Variants in RALA observed in about 807,000 individuals in gnomAD.
The protein encoded by RALA is ras-related protein Ral-A.
In RALA, 5 loss-of-function variants were observed where a neutral mutation model predicts 24.0. The observed-to-expected ratio is 0.21, with a 90% CI of 0.11 to 0.44. The LOEUF (loss-of-function observed/expected upper bound fraction) is 0.44, where lower values mean the gene tolerates loss of function less well. Among genes scored for constraint, RALA ranks in the 20% least tolerant of loss-of-function variants. RALA has a pLI of 0.99. For missense variants in RALA, 95 were observed against 241.2 expected (o/e 0.39, Z 4.01); for synonymous variants, 77 against 83.8 (o/e 0.92, Z 0.44).
chr7:39,674,507 A>G (rs1460743057), intron 1 of RALA, among the ~76,000 whole-genome samples: 2 of 152,128 alleles, frequency 1.3e-5, no homozygotes, highest in Non-Finnish European at 2.9e-5. Context: ...TTTGCCCCAT[A>G]TTCATGTGAT....
At chr7:39,699,012 A>G (rs552984588) in intron 4 of RALA, among the ~76,000 whole-genome samples, 1 of 151,948 alleles carries the variant, frequency 6.6e-6, no homozygotes, top group Admixed American at 6.6e-5. Flanking sequence ...AATAGAATAT[A>G]CTGTTAGCAA....
At chr7:39,639,664 AG>A (rs761314269) in intron 1 of RALA, among the ~76,000 whole-genome samples, 3 of 152,202 alleles carry the variant, frequency 2.0e-5, no homozygotes, top group Non-Finnish European at 4.4e-5. Context: ...CTATGATCAT[AG>A]ACTTTACAGA....
chr7:39,661,791 C>T (rs1792195502), intron 1 of RALA, among the ~76,000 whole-genome samples: 1 of 152,244 alleles, frequency 6.6e-6, no homozygotes, highest in Non-Finnish European at 1.5e-5. Flanking sequence ...TGGCCCTCTT[C>T]TCACAGCTCC....
intron 4 of RALA, among the ~76,000 whole-genome samples, chr7:39,699,121 ATTTTTTTTTTTTTT>A (rs71560137): frequency 6.5e-5 from 4 of 61,372 alleles, no homozygotes; most frequent in East Asian, 5.3e-4. Context: ...TAAAAATGTT[ATTTTTTTTTTTTTT>A]TTTTTTTTTT....
At chr7:39,695,284 C>T (rs781729395) in intron 3 of RALA, among the ~76,000 whole-genome samples, 20 of 152,146 alleles carry the variant, frequency 1.3e-4, no homozygotes, top group Non-Finnish European at 2.6e-4. Context: ...AGCCTATGCA[C>T]ATCCTCCCAT....
rs371435550 is a variant in RALA at position 39,631,167 on chromosome 7, C to T, written c.-38+7342C>T. On this transcript the variant is annotated intron_variant, in intron 1 of 4. Transcript: ENST00000005257. ...GAACCACAGGCGTGTGCCACCATGC[C>T]CAGCTTATTTTTTTATTTTTAGTAG... 1.4e-4 allele frequency among the ~76,000 whole-genome samples: 21 copies of T among 152,018 alleles called. No homozygotes were observed. In the East Asian group the frequency reaches 1.7e-3, roughly 13 times the overall value.
intron 1 of RALA, among the ~76,000 whole-genome samples, chr7:39,641,203 T>G (rs981268067): frequency 2.0e-5 from 3 of 152,144 alleles, no homozygotes; most frequent in African/African-American, 7.2e-5. Context: ...GTTATATCAT[T>G]TTTGCCCATT....
rs185940148 is a variant in RALA at position 39,635,867 on chromosome 7, A to G, written c.-38+12042A>G. ...CGGCCCAGTTCCTAACAGGCCACAG[A>G]CTGGTACCAGTTTGTGGCCCAGGGG... On this transcript the variant is annotated intron_variant, in intron 1 of 4. Coordinates refer to ENST00000005257, the MANE Select transcript of RALA (RefSeq NM_005402.4). Among the ~76,000 whole-genome samples, 4 of 152,268 alleles carry G rather than the reference A, an allele frequency of 2.6e-5. No homozygotes were observed. In the East Asian group the frequency reaches 7.7e-4, roughly 29 times the overall value.
chr7:39,679,946 T>A (rs939394650), intron 1 of RALA, among the ~76,000 whole-genome samples: 1 of 151,742 alleles, frequency 6.6e-6, no homozygotes, highest in African/African-American at 2.4e-5. Flanking sequence ...CCTGACCTCA[T>A]GATCACCCTC....
At chr7:39,694,080 A>T (rs1414652049) in intron 3 of RALA, among the ~76,000 whole-genome samples, 1 of 152,230 alleles carries the variant, frequency 6.6e-6, no homozygotes, top group African/African-American at 2.4e-5. Context: ...AAGCATTCAC[A>T]TATATAAATT....
chr7:39,675,891 A>G (rs2116037733), intron 1 of RALA, among the ~76,000 whole-genome samples: 1 of 152,250 alleles, frequency 6.6e-6, no homozygotes, highest in African/African-American at 2.4e-5. Context: ...TGAGTTGTTT[A>G]TATGAAATAC....
At chr7:39,696,542 G>A (rs1792924633) in intron 3 of RALA, 143 bp from the exon 4 acceptor site, 3 of 630,026 alleles carry the variant, frequency 4.8e-6, no homozygotes, top group Non-Finnish European at 7.8e-6. Context: ...TGCTAATACT[G>A]TATCGATATT....
chr7:39,663,784 A>G (rs1286877823), intron 1 of RALA, among the ~76,000 whole-genome samples: 1 of 152,222 alleles, frequency 6.6e-6, no homozygotes, highest in Non-Finnish European at 1.5e-5. Context: ...ATACCTTTCC[A>G]ATCTGTCCCT....
chr7:39,661,018 A>G (rs2115994936), intron 1 of RALA, among the ~76,000 whole-genome samples: 1 of 152,310 alleles, frequency 6.6e-6, no homozygotes, highest in African/African-American at 2.4e-5. Flanking sequence ...CAATCATGGC[A>G]GAAGGTGAAA....
intron 4 of RALA, chr7:39,703,355 T>C (rs758287734): frequency 6.6e-6 from 1 of 152,232 alleles, no homozygotes; most frequent in Non-Finnish European, 1.5e-5. Flanking sequence ...AACCCATGGC[T>C]TTTATGTCAT....
intron 1 of RALA, among the ~76,000 whole-genome samples, chr7:39,648,772 C>G (rs1456700588): frequency 1.3e-5 from 2 of 152,070 alleles, no homozygotes. Context: ...AAGAATGACT[C>G]CAAGGGGCCA....
chr7:39,693,030 A>G (rs1233394006), intron 3 of RALA, among the ~76,000 whole-genome samples: 1 of 152,210 alleles, frequency 6.6e-6, no homozygotes, highest in Non-Finnish European at 1.5e-5. Context: ...AAGGATCTAG[A>G]ATAGAAATAC....
intron 1 of RALA, among the ~76,000 whole-genome samples, chr7:39,684,718 A>AG (rs1792667508): frequency 6.6e-6 from 1 of 151,750 alleles, no homozygotes; most frequent in Non-Finnish European, 1.5e-5. Flanking sequence ...GAGCTAAAAA[A>AG]AAAAAAAAAA....
chr7:39,651,383 C>T (rs1792016411), intron 1 of RALA, among the ~76,000 whole-genome samples: 1 of 152,158 alleles, frequency 6.6e-6, no homozygotes, highest in African/African-American at 2.4e-5. Context: ...CACATAAGGG[C>T]GTGAATACTA....
Sources: gnomAD v4.1 joint callset for allele counts (sites outside exome capture counted in the v4.1 genomes callset) on GRCh38, gnomAD v4.1.1 for gene constraint, MANE v1.5 for transcripts, NCBI Gene and HGNC (gene_info 2026-07-23, HGNC 2026-07-21) for gene names.